MDFIC: variants seen among roughly 807,000 people sequenced by gnomAD.
The protein encoded by MDFIC is myoD family inhibitor domain-containing protein.
MDFIC carries 17 observed loss-of-function variants against 23.2 expected under a neutral mutation model. The ratio of observed to expected loss-of-function variants is 0.73; its 90% CI spans 0.50 to 1.10. The LOEUF (loss-of-function observed/expected upper bound fraction) is 1.10, where lower values mean the gene tolerates loss of function less well. MDFIC is among the 50% of genes least tolerant of loss of function. The pLI is 0.00. For synonymous variants in MDFIC, 120 were observed against 115.2 expected (o/e 1.04, Z -0.27); for missense variants, 356 against 316.6 (o/e 1.12, Z -0.95).
chr7:114,948,492 A>G (rs1277597532), intron 3 of MDFIC, among the ~76,000 whole-genome samples: 2 of 152,090 alleles, frequency 1.3e-5, no homozygotes, highest in African/African-American at 4.8e-5. Flanking sequence ...CCCATAAGAA[A>G]AAAAATTCGA....
At chr7:114,999,099 T>C (rs1019029086) in intron 4 of MDFIC, among the ~76,000 whole-genome samples, 1 of 152,032 alleles carries the variant, frequency 6.6e-6, no homozygotes, top group African/African-American at 2.4e-5. Context: ...TCATACTTTC[T>C]CTCCCTCCCC....
At chr7:114,928,605 T>A (rs1406039760) in intron 2 of MDFIC, among the ~76,000 whole-genome samples, 1 of 152,166 alleles carries the variant, frequency 6.6e-6, no homozygotes, top group Non-Finnish European at 1.5e-5. Flanking sequence ...TGGGGCTGTA[T>A]GAAGGGTCGG....
intron 3 of MDFIC, among the ~76,000 whole-genome samples, chr7:114,942,815 C>T (rs1019792806): frequency 6.6e-6 from 1 of 152,130 alleles, no homozygotes; most frequent in Non-Finnish European, 1.5e-5. Flanking sequence ...TATTTTATCA[C>T]TGTTTGTTAA....
At chr7:114,983,563 C>CTTT (rs11388500) in intron 4 of MDFIC, among the ~76,000 whole-genome samples, 4,675 of 88,032 alleles carry the variant, frequency 0.053, 428 homozygotes, top group Non-Finnish European at 0.072. Flanking sequence ...TCATCAGGTA[C>CTTT]TTTTTTTTTT....
intron 4 of MDFIC, among the ~76,000 whole-genome samples, chr7:115,001,953 A>G (rs754071422): frequency 2.6e-5 from 4 of 152,174 alleles, no homozygotes; most frequent in Non-Finnish European, 5.9e-5. Context: ...CCTGGCCAAC[A>G]TGGCTAAACC....
chr7:115,016,733 C>A lies in MDFIC; in HGVS notation c.*798C>A, dbSNP rs2116161966. The A allele has an allele frequency of 6.5e-6, 1 of 153,396 alleles. No homozygotes were observed. The highest frequency in any genetic ancestry group is 1.4e-5 in the Non-Finnish European group (1 of 69,000). 9.5% of individuals were successfully genotyped at this position (153,396 alleles called of 1,614,324 possible). A position where few individuals can be genotyped will look rare whatever the true frequency, so the allele number is the denominator to read the frequency against. ...AAAGAAACTTTAGGAAACAAACCCA[C>A]ATAATAGTTGGGAACCAGTGTTGAT... On this transcript the variant is annotated 3_prime_UTR_variant, in exon 5 of 5. Transcript: ENST00000393486.
At chr7:114,959,962 T>G (rs1395945685) in intron 3 of MDFIC, among the ~76,000 whole-genome samples, 1 of 152,022 alleles carries the variant, frequency 6.6e-6, no homozygotes, top group Non-Finnish European at 1.5e-5. Flanking sequence ...ATTGTAAAGG[T>G]GCAGGCAGCA....
At position 114,950,632 on chromosome 7, in the gene MDFIC, T is replaced by C. The variant is rs186438924; in HGVS notation, c.217+8235T>C. On this transcript the variant is annotated intron_variant, in intron 3 of 4. Transcript: ENST00000393486. ...GAGAATGAGAAATATGAATTTAAGA[T>C]TTCTGAGTTGGAATAGTCTCAGGGG... is the stretch of plus-strand genomic sequence containing the variant. Among the ~76,000 whole-genome samples the C allele has an allele frequency of 1.8e-3, 272 of 152,220 alleles. 1 individual carries two copies. The highest frequency in any genetic ancestry group is 3.8e-3 in the Admixed American group (58 of 15,286).
chr7:114,923,486 C>A (rs1792132958), intron 2 of MDFIC: 1 of 1,537,760 alleles, frequency 6.5e-7, no homozygotes, highest in African/African-American at 1.4e-5. Context: ...AGGACTGCCG[C>A]AGCTCTCTGA....
At chr7:114,934,408 A>G (rs1306654653) in intron 2 of MDFIC, among the ~76,000 whole-genome samples, 2 of 152,192 alleles carry the variant, frequency 1.3e-5, no homozygotes, top group African/African-American at 4.8e-5. Context: ...TATATTTTAA[A>G]TGATTGCTGC....
chr7:114,923,728 T>C (rs1021493352), intron 2 of MDFIC: 9 of 1,190,532 alleles, frequency 7.6e-6, no homozygotes, highest in Non-Finnish European at 9.8e-6. Flanking sequence ...TAAAATACTC[T>C]TGTGTCTGGG....
chr7:114,984,074 T>C (rs6943748), intron 4 of MDFIC, among the ~76,000 whole-genome samples: 6,384 of 152,216 alleles, frequency 0.042, 403 homozygotes, highest in African/African-American at 0.14. Context: ...ACAATCCATG[T>C]TCCTAACCTC....
At chr7:115,003,575 C>CACTATATA in intron 4 of MDFIC, among the ~76,000 whole-genome samples, 1 of 152,266 alleles carries the variant, frequency 6.6e-6, no homozygotes, top group Middle Eastern at 3.4e-3. Flanking sequence ...ACCCCACTGG[C>CACTATATA]ACTATATTAT....
Position 114,922,645 on chromosome 7 carries a change from T to C in MDFIC, c.-108+9T>C. 7.6e-7 allele frequency: 1 copy of C among 1,307,686 alleles called. No homozygotes were observed. Among genetic ancestry groups the C allele is most frequent in the South Asian group, 2.5e-5 (1 of 39,816 alleles). The allele number at this position is 1,307,686 out of a possible 1,614,324, so 81.0% of individuals were successfully genotyped here. On this transcript the variant is annotated intron_variant, in intron 1 of 4. Coordinates refer to ENST00000393486, the MANE Select transcript of MDFIC (RefSeq NM_001166345.3). ...TACGGGGGGATGCGGAGGTAGGTAG[T>C]GGTCTCCGGGCGGGGAAGAGGAGGG...
At chr7:114,955,608 TC>T (rs1190753300) in intron 3 of MDFIC, among the ~76,000 whole-genome samples, 1 of 152,172 alleles carries the variant, frequency 6.6e-6, no homozygotes, top group Non-Finnish European at 1.5e-5. Context: ...GCACATAGTT[TC>T]CCCCAAATAC....
chr7:115,013,990 A>C (rs1293249355), intron 4 of MDFIC: 2 of 985,270 alleles, frequency 2.0e-6, no homozygotes, highest in Middle Eastern at 5.2e-4. Flanking sequence ...CGCTGCATGG[A>C]CCATCATATG....
At chr7:115,012,119 C>T (rs961706824) in intron 4 of MDFIC, among the ~76,000 whole-genome samples, 1 of 152,198 alleles carries the variant, frequency 6.6e-6, no homozygotes, top group African/African-American at 2.4e-5. Flanking sequence ...AACTTATCTC[C>T]CTTTTGTTAG....
chr7:114,968,628 G>T (rs992856383), intron 3 of MDFIC, among the ~76,000 whole-genome samples: 1 of 152,134 alleles, frequency 6.6e-6, no homozygotes, highest in Non-Finnish European at 1.5e-5. Flanking sequence ...TTTGCTTGCA[G>T]TCCTAAATTA....
At chr7:115,014,225 G>T in intron 4 of MDFIC, 1 of 985,412 alleles carries the variant, frequency 1.0e-6, no homozygotes, top group Non-Finnish European at 1.2e-6. Flanking sequence ...GAGTTAGGGA[G>T]TTTAGGATGG....
Sources: allele counts gnomAD v4.1 joint callset (sites outside exome capture counted in the v4.1 genomes callset), GRCh38; gene constraint gnomAD v4.1.1; transcripts MANE v1.5; gene names NCBI Gene and HGNC (gene_info 2026-07-23, HGNC 2026-07-21).